COG3: variants seen among roughly 807,000 people sequenced by gnomAD.
COG3 encodes component of oligomeric golgi complex 3.
In COG3, 32 loss-of-function variants were observed where a neutral mutation model predicts 114.1. The ratio of observed to expected loss-of-function variants is 0.28; its 90% CI spans 0.21 to 0.38. COG3 has a LOEUF of 0.38. COG3 is among the 10% of genes least tolerant of loss of function. The pLI, the probability that COG3 is intolerant of heterozygous loss-of-function variation, is 1.00. For synonymous variants in COG3, 352 were observed against 365.7 expected (o/e 0.96, Z 0.43); for missense variants, 813 against 973.2 (o/e 0.84, Z 2.19).
chr13:45,470,938 T>G (rs780710921), intron 1 of COG3, among the ~76,000 whole-genome samples: 10 of 152,220 alleles, frequency 6.6e-5, no homozygotes, highest in Non-Finnish European at 1.2e-4. Flanking sequence ...GGCATGGCAG[T>G]GAGCCACAGC....
Position 45,529,862 on chromosome 13 carries a change from A to G in COG3, c.2302A>G (p.Met768Val). The G allele has an allele frequency of 6.2e-7, 1 of 1,613,894 alleles. No individual in the cohort carries two copies. The highest frequency in any genetic ancestry group is 8.5e-7 in the Non-Finnish European group (1 of 1,179,824). ...AAAGCTGCCTGTGACATTGAGAAGT[A>G]TGTCCTTGTACCTATCCAATAAAGA... ...KTKLPVTLRSMSLYLSNKDTE... is the reference protein window; with the variant it reads ...KTKLPVTLRSVSLYLSNKDTE... The change falls in exon 21 of 23, where the codon ATG (methionine) becomes GTG (valine). Residue 768 changes from methionine to valine, a missense_variant. Physicochemically the swap from Met to Val is conservative, Grantham distance 21. Transcript: ENST00000349995.
chr13:45,516,976 C>G (rs1355545002), intron 17 of COG3, among the ~76,000 whole-genome samples: 1 of 152,048 alleles, frequency 6.6e-6, no homozygotes, highest in Non-Finnish European at 1.5e-5. Context: ...AAAGATGATT[C>G]ATCCATCCTA....
chr13:45,491,439 C>T lies in COG3; in HGVS notation c.996C>T (p.His332=), dbSNP rs974396451. 2 of 1,612,272 alleles carry T rather than the reference C, an allele frequency of 1.2e-6. No individual in the cohort carries two copies. The highest frequency in any genetic ancestry group is 2.2e-5 in the East Asian group (1 of 44,840). Residue 332 remains histidine (H), a synonymous_variant, in exon 10 of 23, where the codon CAC becomes CAT. Transcript: ENST00000349995. ...PEYQQLLNDI[H]QCYLDQRELL... is the part of the protein sequence containing the mutation. ...ACCAACAACTGCTAAATGATATCCA[C>T]CAGTGTTACCTTGATCAGCGGGAGC...
chr13:45,481,931 A>T (rs550685726), intron 5 of COG3, among the ~76,000 whole-genome samples: 12 of 152,290 alleles, frequency 7.9e-5, no homozygotes, highest in Non-Finnish European at 1.6e-4. Flanking sequence ...ATATCAGGAT[A>T]AGAAATGATT....
At chr13:45,476,390 A>G in intron 2 of COG3, 43 bp downstream of exon 2, 8 of 1,584,364 alleles carry the variant, frequency 5.0e-6, no homozygotes, top group Non-Finnish European at 6.9e-6. Context: ...ATTATTTCAG[A>G]TGTCTGAAGA....
At chr13:45,492,458 T>C (rs1887073145) in intron 11 of COG3, among the ~76,000 whole-genome samples, 1 of 152,190 alleles carries the variant, frequency 6.6e-6, no homozygotes. Context: ...TTGTATTGTT[T>C]GTAATGTAAT....
At chr13:45,500,586 A>G (rs888423659) in intron 13 of COG3, among the ~76,000 whole-genome samples, 1 of 152,210 alleles carries the variant, frequency 6.6e-6, no homozygotes, top group Non-Finnish European at 1.5e-5. Flanking sequence ...GATTTACAGA[A>G]AAATTGAGAA....
chr13:45,494,882 A>G (rs1868562498), intron 12 of COG3, among the ~76,000 whole-genome samples: 1 of 116,754 alleles, frequency 8.6e-6, no homozygotes, highest in South Asian at 2.8e-4. Flanking sequence ...TTTTTTTGAG[A>G]CGGAGTCTCG....
Position 45,516,216 on chromosome 13 carries a change from C to T in COG3, c.1883C>T (p.Thr628Ile). 1 of 1,601,864 alleles carries T rather than the reference C, an allele frequency of 6.2e-7. No homozygotes were observed. The highest frequency in any genetic ancestry group is 8.5e-7 in the Non-Finnish European group (1 of 1,171,988). ...ILREQIAPFH[T>I]EFTIKEISLD... ...CGTGAACAAATTGCTCCATTTCACA[C>T]TGAATTCACCATTAAGGAAATTTCC... The change falls in exon 17 of 23, where the codon ACT becomes ATT. Residue 628 changes from threonine to isoleucine, a missense_variant. This residue lies in a region of COG3 where 389 missense variants were observed against 542.6 expected (regional missense o/e 0.72). Coordinates refer to ENST00000349995, the MANE Select transcript of COG3 (RefSeq NM_031431.4).
intron 1 of COG3, among the ~76,000 whole-genome samples, chr13:45,467,517 A>G (rs61953475): frequency 0.64 from 97,096 of 151,470 alleles, 31,931 homozygotes; most frequent in African/African-American, 0.79. Flanking sequence ...ACTTGAACCC[A>G]GAAGGCAGAG....
At chr13:45,492,092 T>C (rs1426764254) in intron 10 of COG3, 67 bp from the exon 11 acceptor site, 7 of 952,280 alleles carry the variant, frequency 7.4e-6, no homozygotes, top group Non-Finnish European at 1.1e-5. Context: ...AGTGTAGGCT[T>C]TATTTCATAA....
intron 20 of COG3, among the ~76,000 whole-genome samples, chr13:45,528,590 A>G (rs1342693835): frequency 1.3e-5 from 2 of 152,240 alleles, no homozygotes; most frequent in Admixed American, 1.3e-4. Context: ...GGCAACTACT[A>G]TTAAAGTTTC....
chr13:45,501,830 T>C (rs1566258200), intron 13 of COG3, among the ~76,000 whole-genome samples: 2 of 152,238 alleles, frequency 1.3e-5, no homozygotes, highest in Non-Finnish European at 2.9e-5. Context: ...ATAATAGGTA[T>C]GTTCGTTTTA....
At chr13:45,504,384 G>A (rs1215348498) in intron 14 of COG3, among the ~76,000 whole-genome samples, 2 of 152,076 alleles carry the variant, frequency 1.3e-5, no homozygotes, top group South Asian at 2.1e-4. Context: ...TATACCTCTT[G>A]GTCCTAGTAT....
intron 8 of COG3, among the ~76,000 whole-genome samples, chr13:45,488,183 G>A (rs1189583982): frequency 6.6e-6 from 1 of 152,164 alleles, no homozygotes; most frequent in Non-Finnish European, 1.5e-5. Context: ...AGTTGGTCTT[G>A]TGGAGGTAGA....
chr13:45,470,765 G>T (rs980838653), intron 1 of COG3, among the ~76,000 whole-genome samples: 1 of 152,224 alleles, frequency 6.6e-6, no homozygotes, highest in Non-Finnish European at 1.5e-5. Flanking sequence ...GATGTTGGAA[G>T]ACTGAAGTTT....
Position 45,480,294 on chromosome 13 carries a change from A to G in COG3, c.549+4A>G, listed in dbSNP as rs1343588278. 6.3e-7 allele frequency: 1 copy of G among 1,596,682 alleles called. No individual in the cohort carries two copies. Among genetic ancestry groups the G allele is most frequent in the African/African-American group, 1.3e-5 (1 of 74,544 alleles). ...TGAACAGCTCCTAAAAGAACAGGTA[A>G]TTTGGAGTAAGAGAGAGGATCAGTC... On this transcript the variant is annotated splice_donor_region_variant and intron_variant, in intron 4 of 22. Transcript: ENST00000349995.
At chr13:45,483,075 A>G (rs1401431788) in intron 6 of COG3, among the ~76,000 whole-genome samples, 155 bp from the exon 7 acceptor site, 1 of 152,246 alleles carries the variant, frequency 6.6e-6, no homozygotes, top group Non-Finnish European at 1.5e-5. Context: ...AGACAGTCAC[A>G]GTATTTATTC....
At chr13:45,465,904 T>G (rs1593663757) in intron 1 of COG3, 5 of 152,404 alleles carry the variant, frequency 3.3e-5, no homozygotes, top group African/African-American at 1.2e-4. Flanking sequence ...TATGCACTAC[T>G]GCTTCTTGTG....
Sources: gnomAD v4.1 joint callset for allele counts (sites outside exome capture counted in the v4.1 genomes callset) on GRCh38, gnomAD v4.1.1 for gene constraint, gnomAD v4.1.1 regional missense constraint, MANE v1.5 for transcripts, NCBI Gene and HGNC (gene_info 2026-07-23, HGNC 2026-07-21) for gene names.